The following ACSL3 variants were observed in gnomAD, a reference collection of about 807,000 sequenced individuals.
The protein encoded by ACSL3 is acyl-CoA synthetase long chain family member 3, also known as fatty acid CoA ligase Acsl3.
A neutral mutation model predicts 84.7 loss-of-function variants in ACSL3; 34 were observed. The ratio of observed to expected loss-of-function variants is 0.40; its 90% CI spans 0.31 to 0.53. ACSL3 has a LOEUF of 0.53. Ranked by LOEUF, ACSL3 falls within the 20% of genes least tolerant of loss-of-function variation. The pLI, the probability that ACSL3 is intolerant of heterozygous loss-of-function variation, is 0.48. For synonymous variants in ACSL3, 315 were observed against 299.4 expected (o/e 1.05, Z -0.54); for missense variants, 680 against 873.1 (o/e 0.78, Z 2.79).
At chr2:222,888,783 G>A (rs552526343) in intron 2 of ACSL3, among the ~76,000 whole-genome samples, 4 of 152,286 alleles carry the variant, frequency 2.6e-5, no homozygotes, top group African/African-American at 9.6e-5. Flanking sequence ...CTTTGTTTGC[G>A]ACGCTTTGTT....
intron 5 of ACSL3, chr2:222,917,338 C>G (rs993944598): frequency 3.3e-5 from 5 of 152,242 alleles, no homozygotes; most frequent in African/African-American, 1.2e-4. Flanking sequence ...ATCCGCCCAC[C>G]TCGGCCTCCC....
At chr2:222,867,745 T>C in intron 1 of ACSL3, among the ~76,000 whole-genome samples, 1 of 152,222 alleles carries the variant, frequency 6.6e-6, no homozygotes, top group East Asian at 1.9e-4. Context: ...TTACAAACAT[T>C]ATTACCGTTA....
Position 222,918,127 on chromosome 2 carries a change from G to A in ACSL3, c.638G>A (p.Ser213Asn), listed in dbSNP as rs1383641303. Residue 213 changes from serine to asparagine, a missense_variant, in exon 6 of 17, where the codon AGT becomes AAT. Coordinates refer to ENST00000357430, the MANE Select transcript of ACSL3 (RefSeq NM_004457.5). ...ACAGAGGTGACCAACATCATTACTA[G>A]TAAAGAACTCTTACAAACAAAGTTG... Reference protein sequence around the residue: ...NETEVTNIITSKELLQTKLKD... With the variant: ...NETEVTNIITNKELLQTKLKD... 2 of 1,611,440 alleles carry A rather than the reference G, an allele frequency of 1.2e-6. No individual in the cohort carries two copies. The highest frequency in any genetic ancestry group is 1.1e-5 in the South Asian group (1 of 90,816).
intron 1 of ACSL3, among the ~76,000 whole-genome samples, chr2:222,862,631 C>G (rs1420722543): frequency 6.6e-6 from 1 of 152,166 alleles, no homozygotes; most frequent in Non-Finnish European, 1.5e-5. Flanking sequence ...TGGGCAGTTC[C>G]TCACACTTGG....
At position 222,918,049 on chromosome 2, in the gene ACSL3, T is replaced by C; in HGVS notation, c.560T>C (p.Val187Ala). The C allele has an allele frequency of 6.8e-6, 11 of 1,606,480 alleles. No homozygotes were observed. The highest frequency in any genetic ancestry group is 9.4e-6 in the Non-Finnish European group (11 of 1,175,534). ...TGGCTGCTGCTTTTCCTTTTAGTTG[T>C]TACATTATATGCCACTCTAGGAGGT... ...QACFMYNFQLVTLYATLGGPA... is the reference protein window; with the variant it reads ...QACFMYNFQLATLYATLGGPA... The change falls in exon 6 of 17, where the codon GTT (valine) becomes GCT (alanine). Residue 187 changes from valine to alanine, a missense_variant. Val to Ala is a moderately conservative substitution (Grantham distance 64). This residue lies in a region of ACSL3 where 333 missense variants were observed against 347.5 expected (regional missense o/e 0.96). Coordinates refer to ENST00000357430, the MANE Select transcript of ACSL3 (RefSeq NM_004457.5).
chr2:222,876,939 A>T (rs1695465208), intron 1 of ACSL3, among the ~76,000 whole-genome samples: 1 of 152,198 alleles, frequency 6.6e-6, no homozygotes, highest in Non-Finnish European at 1.5e-5. Context: ...GTAAAAATAG[A>T]TGGAGAGAGT....
chr2:222,919,244 G>A (rs1328110016), intron 7 of ACSL3, 42 bp downstream of exon 7: 5 of 1,601,356 alleles, frequency 3.1e-6, no homozygotes, highest in African/African-American at 2.7e-5. Context: ...GCTTTCTGGT[G>A]ACCACATTCT....
intron 1 of ACSL3, among the ~76,000 whole-genome samples, chr2:222,878,267 G>A (rs1297122056): frequency 6.6e-6 from 1 of 152,168 alleles, no homozygotes; most frequent in Non-Finnish European, 1.5e-5. Flanking sequence ...ATTAATGGAA[G>A]CTCAGGAATT....
In ACSL3 at chr2:222,874,082, C is replaced by T. The variant is rs559927941; in HGVS notation, c.-207+12824C>T. Among the ~76,000 whole-genome samples, 18 of 152,112 alleles carry T rather than the reference C, an allele frequency of 1.2e-4. No individual in the cohort carries two copies. In the South Asian group the frequency reaches 1.7e-3, roughly 14 times the overall value. ...TGTCACCCAGGCTGGAGTGCAGTGA[C>T]GTGATCTTGGCTCACTGCAACCTCC... On this transcript the variant is annotated intron_variant, in intron 1 of 16. Transcript: ENST00000357430.
In ACSL3 at chr2:222,914,827, A is replaced by G. The variant is rs190726803; in HGVS notation, c.379-1492A>G. 2.9e-4 allele frequency among the ~76,000 whole-genome samples: 44 copies of G among 152,374 alleles called. 6 individuals are homozygous for G. The highest frequency in any genetic ancestry group is 2.5e-3 in the East Asian group (13 of 5,188). On this transcript the variant is annotated intron_variant, in intron 4 of 16. Coordinates refer to ENST00000357430, the MANE Select transcript of ACSL3 (RefSeq NM_004457.5). ...ATATAGAGTGGGTAGTGTCCTCTAA[A>G]TGTAATATTTATGAAAAACATAATT... is the stretch of plus-strand genomic sequence containing the variant.
intron 11 of ACSL3, among the ~76,000 whole-genome samples, chr2:222,925,342 CAAAAA>C (rs34016050): frequency 1.2e-5 from 1 of 85,488 alleles, no homozygotes. Context: ...ACTCTTGTCT[CAAAAA>C]AAAAAAAAAA....
intron 7 of ACSL3, 26 bp from the exon 8 acceptor site, chr2:222,921,254 G>T: frequency 6.3e-7 from 1 of 1,586,574 alleles, no homozygotes; most frequent in Admixed American, 1.7e-5. Flanking sequence ...GAAAGTGTAT[G>T]TGTGTGTTTT....
chr2:222,918,395 GACT>G (rs1315857630), intron 6 of ACSL3, among the ~76,000 whole-genome samples: 3 of 151,728 alleles, frequency 2.0e-5, no homozygotes, highest in Admixed American at 1.3e-4. Flanking sequence ...AAGAAATTAC[GACT>G]ACTTTTTCTC....
rs1694995965 is a variant in ACSL3, at chr2:222,861,254, T to G, written c.-211T>G. On this transcript the variant is annotated 5_prime_UTR_variant, in exon 1 of 17. Transcript: ENST00000357430. ...GGCCGGAGGAACCCGGACTCCGGCG[T>G]AGCGGTGAGTGCGGCGCCGGTTGTG... The G allele has an allele frequency of 6.6e-6, 1 of 152,116 alleles. No individual in the cohort carries two copies. The highest frequency in any genetic ancestry group is 2.1e-4 in the South Asian group (1 of 4,834). The allele number at this position is 152,116 out of a possible 1,614,324, so 9.4% of individuals were successfully genotyped here.
intron 1 of ACSL3, among the ~76,000 whole-genome samples, chr2:222,886,420 T>G (rs182863097): frequency 6.6e-6 from 1 of 152,352 alleles, no homozygotes; most frequent in East Asian, 1.9e-4. Context: ...TTCTTTTTTA[T>G]GGCTGCAAGG....
intron 5 of ACSL3, among the ~76,000 whole-genome samples, chr2:222,916,972 A>C (rs984196259): frequency 3.3e-5 from 5 of 152,086 alleles, no homozygotes; most frequent in Admixed American, 2.6e-4. Flanking sequence ...TTCTGGAAGC[A>C]TAAGTTCAGA....
At chr2:222,892,599 G>A (rs1695869287) in intron 2 of ACSL3, among the ~76,000 whole-genome samples, 1 of 152,168 alleles carries the variant, frequency 6.6e-6, no homozygotes, top group African/African-American at 2.4e-5. Flanking sequence ...TCTGTAGAGT[G>A]TGTATGACTG....
chr2:222,931,349 G>A (rs749836235), intron 14 of ACSL3, among the ~76,000 whole-genome samples: 59 of 151,548 alleles, frequency 3.9e-4, no homozygotes, highest in Admixed American at 3.0e-3. Flanking sequence ...GGGAGGCAGA[G>A]CTTGCAGCAA....
chr2:222,922,003 A>G (rs547522601), intron 8 of ACSL3, among the ~76,000 whole-genome samples: 1 of 152,172 alleles, frequency 6.6e-6, no homozygotes, highest in East Asian at 1.9e-4. Flanking sequence ...ACATACACGC[A>G]CACACACACT....
Sources: allele counts gnomAD v4.1 joint callset (sites outside exome capture counted in the v4.1 genomes callset), GRCh38; gene constraint gnomAD v4.1.1; regional missense constraint gnomAD v4.1.1; transcripts MANE v1.5; gene names NCBI Gene and HGNC (gene_info 2026-07-23, HGNC 2026-07-21).